The following PHF14 variants were observed in gnomAD, a reference collection of about 807,000 sequenced individuals.
PHF14 encodes PHD finger protein 14.
Under a neutral mutation model 117.9 loss-of-function variants are expected in PHF14, and 55 were observed. The observed-to-expected ratio is 0.47, with a 90% confidence interval of 0.38 to 0.58. The LOEUF is 0.58. Ranked by LOEUF, PHF14 falls within the 20% of genes least tolerant of loss-of-function variation. The probability of loss-of-function intolerance (pLI) is 0.00; values close to 1 mark genes in which losing one functional copy is unlikely to be tolerated. For missense variants in PHF14, 978 were observed against 1,122.2 expected, an observed-to-expected ratio of 0.87 and a Z score of 1.84; for synonymous variants, 409 against 368.6, an observed-to-expected ratio of 1.11 and a Z score of -1.26.
In PHF14 at chr7:11,169,504, G is replaced by GT. The variant is rs766185684; in HGVS notation, c.*15dup. ...CCAAAGAAATAAAAGATTTTCTGTA[G>GT]TGTTTTTGAAAAGTTTGCAGCTTAT... On this transcript the variant is annotated 3_prime_UTR_variant, in exon 18 of 18. Transcript: ENST00000634607. The GT allele has an allele frequency of 2.2e-6, 3 of 1,342,522 alleles. No individual in the cohort carries two copies. In the African/African-American group the frequency reaches 4.5e-5, roughly 20 times the overall value. The allele number at this position is 1,342,522 out of a possible 1,614,324, so 83.2% of individuals were successfully genotyped here.
intron 4 of PHF14, among the ~76,000 whole-genome samples, chr7:11,007,043 A>G (rs1019127280): frequency 2.6e-5 from 4 of 151,874 alleles, no homozygotes; most frequent in Non-Finnish European, 1.5e-5. Context: ...CAGGTGTGGT[A>G]GTGGGCACCT....
rs76029462 is a variant in PHF14 at position 11,028,307 on chromosome 7, G to T, written c.1318-374G>T. Among the ~76,000 whole-genome samples the T allele has an allele frequency of 1.1e-4, 16 of 152,226 alleles. No homozygotes were observed. The East Asian group carries it at 2.5e-3, about 24-fold the overall frequency. On this transcript the variant is annotated intron_variant, in intron 6 of 17. Coordinates refer to ENST00000634607, the MANE Select transcript of PHF14 (RefSeq NM_001007157.2). ...ACTGAAAGTGTGGATTCTGCTGAGCGTGTATTGTTTTTGCAACATTGTAAA... is the reference window on the plus strand; with the variant it reads ...ACTGAAAGTGTGGATTCTGCTGAGCTTGTATTGTTTTTGCAACATTGTAAA...
chr7:11,127,281 G>A (rs1258455142), intron 17 of PHF14, among the ~76,000 whole-genome samples: 3 of 143,264 alleles, frequency 2.1e-5, no homozygotes, highest in Non-Finnish European at 3.0e-5. Context: ...GCTTTTCTAT[G>A]TAGAGGTGCC....
chr7:11,162,135 C>G (rs1789062317), intron 17 of PHF14, among the ~76,000 whole-genome samples: 1 of 115,488 alleles, frequency 8.7e-6, no homozygotes. Context: ...GTCTCCCAGG[C>G]TGGAGTGCAG....
chr7:10,995,100 A>G (rs1415714825), intron 4 of PHF14, among the ~76,000 whole-genome samples: 1 of 152,172 alleles, frequency 6.6e-6, no homozygotes, highest in Non-Finnish European at 1.5e-5. Context: ...TGATTGGTGC[A>G]TTTACAAACC....
chr7:11,051,479 C>T, intron 13 of PHF14, 133 bp from the exon 14 acceptor site: 3 of 660,868 alleles, frequency 4.5e-6, no homozygotes, highest in African/African-American at 1.8e-5. Context: ...TCATTATGTA[C>T]CCTATAATCA....
intron 16 of PHF14, 160 bp from the exon 17 acceptor site, chr7:11,111,190 C>T: frequency 1.0e-5 from 5 of 486,596 alleles, no homozygotes; most frequent in South Asian, 3.6e-5. Flanking sequence ...GTTTAGTTTG[C>T]CTTTATCATC....
At chr7:11,099,385 G>C (rs1196372708) in intron 16 of PHF14, among the ~76,000 whole-genome samples, 1 of 152,058 alleles carries the variant, frequency 6.6e-6, no homozygotes, top group Non-Finnish European at 1.5e-5. Context: ...ATGCAGTATA[G>C]TCAGGTAATT....
At chr7:11,063,058 T>A in intron 16 of PHF14, 1 of 827,830 alleles carries the variant, frequency 1.2e-6, no homozygotes, top group South Asian at 5.5e-5. Context: ...TTAATCTATT[T>A]TGGTCATTAA....
intron 16 of PHF14, chr7:11,102,736 G>T: frequency 7.3e-7 from 1 of 1,369,260 alleles, no homozygotes. Context: ...TTGCCTGTGT[G>T]GAATTTTTTT....
intron 16 of PHF14, among the ~76,000 whole-genome samples, chr7:11,076,348 G>A (rs1785848473): frequency 6.6e-6 from 1 of 152,082 alleles, no homozygotes; most frequent in African/African-American, 2.4e-5. Flanking sequence ...GGTTTTCAAT[G>A]ATATATTTGT....
At chr7:10,992,524 G>A (rs113974070) in intron 4 of PHF14, among the ~76,000 whole-genome samples, 299 of 151,942 alleles carry the variant, frequency 2.0e-3, no homozygotes, top group African/African-American at 6.1e-3. Context: ...TTAGCCGGGC[G>A]TGGTGGCTTA....
rs1211176236 is a variant in PHF14, at chr7:11,139,722, A to C, written c.2772+28255A>C. Among the ~76,000 whole-genome samples, 30 of 152,214 alleles carry C rather than the reference A, an allele frequency of 2.0e-4. 1 individual carries two copies. The highest frequency in any genetic ancestry group is 2.0e-3 in the Admixed American group (30 of 15,280). On this transcript the variant is annotated intron_variant, in intron 17 of 17. Coordinates refer to ENST00000634607, the MANE Select transcript of PHF14 (RefSeq NM_001007157.2). ...CCTTGGTTTCTGAAATATGTGAAAA[A>C]TAAATTACAAAAACTAGAAAATATA...
intron 17 of PHF14, among the ~76,000 whole-genome samples, chr7:11,156,162 AAGT>A (rs1280010274): frequency 6.6e-6 from 1 of 152,234 alleles, no homozygotes; most frequent in Admixed American, 6.5e-5. Flanking sequence ...AATAAAAGCA[AAGT>A]AGTAGCTAAG....
At chr7:11,150,084 T>A (rs1240129175) in intron 17 of PHF14, among the ~76,000 whole-genome samples, 1 of 152,092 alleles carries the variant, frequency 6.6e-6, no homozygotes, top group East Asian at 1.9e-4. Context: ...CACGGAAGAT[T>A]TACATAGCAT....
At chr7:11,111,322 C>T (rs760775796) in intron 16 of PHF14, 28 bp from the exon 17 acceptor site, 9 of 1,065,084 alleles carry the variant, frequency 8.5e-6, no homozygotes, top group African/African-American at 3.1e-5. Context: ...TTTAGATACA[C>T]CTACCTATAA....
At chr7:11,004,479 C>T in intron 4 of PHF14, among the ~76,000 whole-genome samples, 1 of 151,606 alleles carries the variant, frequency 6.6e-6, no homozygotes, top group East Asian at 1.9e-4. Context: ...TTCTCCACAC[C>T]CCACAGGATC....
chr7:10,978,709 A>G (rs899194662), intron 2 of PHF14, among the ~76,000 whole-genome samples: 2 of 152,130 alleles, frequency 1.3e-5, no homozygotes, highest in African/African-American at 4.8e-5. Flanking sequence ...CCTCTACTAG[A>G]TGCCAGTAGC....
At chr7:10,983,958 A>T (rs992525606) in intron 3 of PHF14, among the ~76,000 whole-genome samples, 1 of 152,070 alleles carries the variant, frequency 6.6e-6, no homozygotes, top group Admixed American at 6.6e-5. Flanking sequence ...GTGTTTTTGT[A>T]TATGTTTTTC....
Sources: gnomAD v4.1 joint callset for allele counts (sites outside exome capture counted in the v4.1 genomes callset) on GRCh38, gnomAD v4.1.1 for gene constraint, MANE v1.5 for transcripts, NCBI Gene and HGNC (gene_info 2026-07-23, HGNC 2026-07-21) for gene names.